EXOC6: variants seen among roughly 807,000 people sequenced by gnomAD.
EXOC6 encodes the protein exocyst complex component 6, also known as SEC15-like 1.
A neutral mutation model predicts 112.5 loss-of-function variants in EXOC6; 60 were observed. The ratio of observed to expected loss-of-function variants is 0.53; its 90% CI spans 0.43 to 0.66. The LOEUF (loss-of-function observed/expected upper bound fraction) is 0.66. Among genes scored for constraint, EXOC6 ranks in the 30% least tolerant of loss-of-function variants. The pLI is 0.00. For synonymous variants in EXOC6, 295 were observed against 308.0 expected, an observed-to-expected ratio of 0.96 and a Z score of 0.44; for missense variants, 855 against 957.1, an observed-to-expected ratio of 0.89 and a Z score of 1.41.
chr10:92,996,429 A>T (rs890086940), intron 18 of EXOC6, among the ~76,000 whole-genome samples: 1 of 152,140 alleles, frequency 6.6e-6, no homozygotes, highest in African/African-American at 2.4e-5. Flanking sequence ...CATCCTGGCT[A>T]ACATGGTGAA....
chr10:93,008,529 A>G (rs1844097477), intron 19 of EXOC6, among the ~76,000 whole-genome samples: 1 of 152,210 alleles, frequency 6.6e-6, no homozygotes, highest in Non-Finnish European at 1.5e-5. Context: ...AAAATATGAC[A>G]AATTATATAC....
chr10:92,998,784 A>G (rs1843614446), intron 19 of EXOC6, among the ~76,000 whole-genome samples: 2 of 152,190 alleles, frequency 1.3e-5, no homozygotes, highest in South Asian at 2.1e-4. Context: ...TTTCCCAGAA[A>G]GCATTTTTAA....
At chr10:92,960,286 A>G (rs1465619303) in intron 17 of EXOC6, among the ~76,000 whole-genome samples, 1 of 152,204 alleles carries the variant, frequency 6.6e-6, no homozygotes, top group Admixed American at 6.5e-5. Context: ...GATTGCAACT[A>G]TGTGACATTC....
At chr10:92,833,353 A>G (rs987725278), upstream of EXOC6, among the ~76,000 whole-genome samples, 1 of 152,172 alleles carries the variant, frequency 6.6e-6, no homozygotes, top group Admixed American at 6.5e-5. Context: ...GCTCTCAGGG[A>G]ATGCTTTTCT....
intron 17 of EXOC6, among the ~76,000 whole-genome samples, chr10:92,969,135 C>T (rs1185559997): frequency 1.3e-5 from 2 of 152,052 alleles, no homozygotes; most frequent in Non-Finnish European, 2.9e-5. Context: ...ACATAAAAGG[C>T]AATGTGTTAT....
At chr10:92,871,047 G>A (rs1308453497) in intron 1 of EXOC6, among the ~76,000 whole-genome samples, 2 of 152,108 alleles carry the variant, frequency 1.3e-5, no homozygotes, top group Non-Finnish European at 2.9e-5. Context: ...AATTACCCCT[G>A]TGAAAATCAA....
chr10:92,875,668 G>T (rs1211986420), intron 1 of EXOC6, among the ~76,000 whole-genome samples: 1 of 151,942 alleles, frequency 6.6e-6, no homozygotes, highest in African/African-American at 2.4e-5. Flanking sequence ...ATAGAGAGCA[G>T]AAAAAAATCA....
At chr10:93,005,120 T>C (rs1843917731) in intron 19 of EXOC6, among the ~76,000 whole-genome samples, 1 of 152,202 alleles carries the variant, frequency 6.6e-6, no homozygotes, top group South Asian at 2.1e-4. Context: ...AATAACTTCA[T>C]TAATAAATAT....
At chr10:92,954,113 T>G (rs777871993) in intron 15 of EXOC6, among the ~76,000 whole-genome samples, 1 of 152,016 alleles carries the variant, frequency 6.6e-6, no homozygotes, top group Non-Finnish European at 1.5e-5. Context: ...CAACCCTGTT[T>G]CTATAAAATA....
At chr10:92,845,676 C>T (rs563473455), upstream of EXOC6, among the ~76,000 whole-genome samples, 69 of 151,918 alleles carry the variant, frequency 4.5e-4, no homozygotes, top group African/African-American at 1.5e-3. Flanking sequence ...CGGTGGCTCA[C>T]GCCTGTAATC....
intron 20 of EXOC6, among the ~76,000 whole-genome samples, chr10:93,040,111 C>T (rs1222294469): frequency 6.6e-6 from 1 of 152,214 alleles, no homozygotes; most frequent in Non-Finnish European, 1.5e-5. Context: ...TATATCCACA[C>T]CCATTCTTCC....
At chr10:92,833,234 CA>C (rs970708588), upstream of EXOC6, among the ~76,000 whole-genome samples, 2 of 152,148 alleles carry the variant, frequency 1.3e-5, no homozygotes, top group African/African-American at 4.8e-5. Flanking sequence ...CTTGGCTCAT[CA>C]GAGTGGATTT....
At chr10:92,866,345 T>C (rs945589668) in intron 1 of EXOC6, among the ~76,000 whole-genome samples, 3 of 152,126 alleles carry the variant, frequency 2.0e-5, no homozygotes, top group Non-Finnish European at 4.4e-5. Flanking sequence ...AAACATTCCT[T>C]TTATACCTTC....
chr10:92,906,782 G>A (rs1850465567), intron 5 of EXOC6, among the ~76,000 whole-genome samples: 1 of 152,064 alleles, frequency 6.6e-6, no homozygotes, highest in Non-Finnish European at 1.5e-5. Context: ...ATGACTGGAT[G>A]GAAATGTGGC....
chr10:92,860,555 C>G (rs1213868291), intron 1 of EXOC6, among the ~76,000 whole-genome samples: 1 of 152,162 alleles, frequency 6.6e-6, no homozygotes, highest in Non-Finnish European at 1.5e-5. Flanking sequence ...GCCACTGCGC[C>G]TGGCTCTCCA....
chr10:92,915,591 AAAAG>A (rs1254220007), intron 6 of EXOC6, among the ~76,000 whole-genome samples, 163 bp from the exon 7 acceptor site: 3 of 149,278 alleles, frequency 2.0e-5, no homozygotes, highest in African/African-American at 7.4e-5. Context: ...TTTTTTTAAA[AAAAG>A]GAAATGAGAA....
intron 20 of EXOC6, among the ~76,000 whole-genome samples, chr10:93,017,878 T>C (rs61863080): frequency 0.13 from 19,953 of 151,494 alleles, 1,474 homozygotes; most frequent in African/African-American, 0.19. Context: ...GGCGTGGTGG[T>C]GCACACCTGT....
chr10:93,037,016 C>T lies in EXOC6; in HGVS notation c.2170-19908C>T, dbSNP rs138922255. 6.0e-4 allele frequency among the ~76,000 whole-genome samples: 92 copies of T among 152,160 alleles called. No individual in the cohort carries two copies. The East Asian group carries it at 0.013, about 22-fold the overall frequency. On this transcript the variant is annotated intron_variant, in intron 20 of 21. Coordinates refer to ENST00000260762, the MANE Select transcript of EXOC6 (RefSeq NM_019053.6). Reference sequence around the variant, plus strand: ...ACTATGGAGGGTAGTGATATTCTGGCCTTTGATAAATATCATATATGCAGT... The same window carrying T: ...ACTATGGAGGGTAGTGATATTCTGGTCTTTGATAAATATCATATATGCAGT...
upstream of EXOC6, among the ~76,000 whole-genome samples, chr10:92,833,667 GC>G (rs1374414967): frequency 6.6e-6 from 1 of 151,940 alleles, no homozygotes; most frequent in Non-Finnish European, 1.5e-5. Context: ...TTTGGTCAGA[GC>G]TTTTAAAAAA....
Sources: allele counts gnomAD v4.1 joint callset (sites outside exome capture counted in the v4.1 genomes callset), GRCh38; gene constraint gnomAD v4.1.1; transcripts MANE v1.5; gene names NCBI Gene and HGNC (gene_info 2026-07-23, HGNC 2026-07-21).